Variants in COL24A1 observed in about 807,000 individuals in gnomAD.
COL24A1 encodes the protein collagen alpha-1(XXIV) chain.
Under a neutral mutation model 253.9 loss-of-function variants are expected in COL24A1, and 224 were observed. The ratio of observed to expected loss-of-function variants is 0.88; its 90% CI spans 0.79 to 0.99. The LOEUF (loss-of-function observed/expected upper bound fraction) is 0.99. Ranked by LOEUF, COL24A1 falls within the 50% of genes least tolerant of loss-of-function variation. The pLI, the probability that COL24A1 is intolerant of heterozygous loss-of-function variation, is 0.00. For missense variants in COL24A1, 2,131 were observed against 2,068.5 expected (o/e 1.03, Z -0.59); for synonymous variants, 685 against 673.7 (o/e 1.02, Z -0.26).
chr1:85,934,307 GGAATA>G (rs1028098870), intron 24 of COL24A1, among the ~76,000 whole-genome samples: 4 of 152,126 alleles, frequency 2.6e-5, no homozygotes, highest in African/African-American at 9.7e-5. Context: ...TTCAGATGGA[GGAATA>G]GAAAAGAATT....
Position 85,911,424 on chromosome 1 carries a change from C to A in COL24A1, c.2572G>T (p.Gly858Cys). 6.2e-7 allele frequency: 1 copy of A among 1,611,740 alleles called. No homozygotes were observed. Among genetic ancestry groups the A allele is most frequent in the Non-Finnish European group, 8.5e-7 (1 of 1,178,666 alleles). The change falls in exon 25 of 60, where the codon GGC becomes TGC. Residue 858 changes from glycine (G) to cysteine (C), a missense_variant. Transcript: ENST00000370571. Reference protein sequence around the residue: ...IGKIGETGPVGLPGEVGMTGS... With the variant: ...IGKIGETGPVCLPGEVGMTGS... The stretch of plus-strand genomic sequence containing the variant: ...GTCATCCCAACTTCTCCAGGTAAGC[C>A]AACAGGTCCCTTTTAGGAAAAAAAA...
At chr1:86,017,615 G>A (rs1697123348) in intron 18 of COL24A1, among the ~76,000 whole-genome samples, 1 of 152,088 alleles carries the variant, frequency 6.6e-6, no homozygotes. Context: ...ACTGTAAGTG[G>A]CCTGAATTAG....
At chr1:85,820,467 G>A (rs1354903134) in intron 45 of COL24A1, among the ~76,000 whole-genome samples, 1 of 152,198 alleles carries the variant, frequency 6.6e-6, no homozygotes, top group African/African-American at 2.4e-5. Flanking sequence ...TGCCAGCATA[G>A]GTCAAAATAC....
At chr1:85,985,093 T>C (rs908518107) in intron 20 of COL24A1, among the ~76,000 whole-genome samples, 1 of 151,870 alleles carries the variant, frequency 6.6e-6, no homozygotes, top group African/African-American at 2.4e-5. Flanking sequence ...AATAGACACA[T>C]AAGCACATCA....
intron 24 of COL24A1, among the ~76,000 whole-genome samples, chr1:85,943,523 C>T (rs1489530497): frequency 1.3e-5 from 2 of 152,104 alleles, no homozygotes; most frequent in South Asian, 2.1e-4. Context: ...AAATTGTTCT[C>T]CCACCAAAAA....
At chr1:85,872,723 A>C (rs1229947026) in intron 35 of COL24A1, among the ~76,000 whole-genome samples, 2 of 152,202 alleles carry the variant, frequency 1.3e-5, no homozygotes, top group Non-Finnish European at 2.9e-5. Context: ...TACACTTAAA[A>C]CCATAAAAAC....
In COL24A1 at chr1:86,156,185, G is replaced by A. The variant is rs958519377; in HGVS notation, c.56+156C>T. On this transcript the variant is annotated intron_variant, in intron 1 of 59. Transcript: ENST00000370571. ...TCAAACACGGTATTTTGCAAGCTGA[G>A]AAGACAAGGGGAAGATACCGCGGGT... The A allele has an allele frequency of 6.5e-6, 4 of 615,246 alleles. No homozygotes were observed. In the African/African-American group the frequency reaches 7.5e-5, roughly 12 times the overall value. 38.1% of individuals were successfully genotyped at this position (615,246 alleles called of 1,614,324 possible). A position where few individuals can be genotyped will look rare whatever the true frequency, so the allele number is the denominator to read the frequency against.
chr1:86,147,667 T>C (rs12072489), intron 1 of COL24A1, among the ~76,000 whole-genome samples: 12,575 of 152,298 alleles, frequency 0.083, 612 homozygotes, highest in East Asian at 0.22. Flanking sequence ...GCGATGGATA[T>C]GCAGGATGCA....
intron 3 of COL24A1, among the ~76,000 whole-genome samples, chr1:86,124,569 A>G (rs551481003): frequency 4.7e-4 from 71 of 152,124 alleles, no homozygotes; most frequent in African/African-American, 1.6e-3. Flanking sequence ...CAACTGAACA[A>G]GAAAAACAAA....
chr1:85,907,318 T>C, intron 27 of COL24A1, 71 bp from the exon 28 acceptor site: 7 of 1,255,204 alleles, frequency 5.6e-6, no homozygotes, highest in Non-Finnish European at 8.1e-6. Flanking sequence ...CCATAATCTT[T>C]CTTATAACAT....
chr1:86,150,057 C>A (rs962276416), intron 1 of COL24A1, among the ~76,000 whole-genome samples: 1 of 152,136 alleles, frequency 6.6e-6, no homozygotes, highest in African/African-American at 2.4e-5. Context: ...CTGATATCTC[C>A]AAAGTTCCAG....
chr1:86,020,244 T>G (rs1436222279), intron 18 of COL24A1, among the ~76,000 whole-genome samples: 1 of 151,938 alleles, frequency 6.6e-6, no homozygotes, highest in Non-Finnish European at 1.5e-5. Context: ...ATTTTTGTAT[T>G]TTTAGTAGAG....
At chr1:85,765,401 C>T (rs1008995729) in intron 53 of COL24A1, among the ~76,000 whole-genome samples, 1 of 151,652 alleles carries the variant, frequency 6.6e-6, no homozygotes, top group African/African-American at 2.4e-5. Context: ...CAAGTTGTTA[C>T]ATTTTGTCAA....
At chr1:85,944,819 A>G (rs926989849) in intron 24 of COL24A1, among the ~76,000 whole-genome samples, 1 of 151,386 alleles carries the variant, frequency 6.6e-6, no homozygotes, top group South Asian at 2.1e-4. Context: ...TCATTGTTCA[A>G]TTCCCACCTA....
chr1:85,845,335 A>C (rs1677049607), intron 39 of COL24A1, among the ~76,000 whole-genome samples: 1 of 151,908 alleles, frequency 6.6e-6, no homozygotes, highest in Admixed American at 6.6e-5. Context: ...GATTATCTAA[A>C]AAAATGTTGT....
chr1:85,960,259 A>G (rs180804651), intron 24 of COL24A1, among the ~76,000 whole-genome samples: 102 of 152,322 alleles, frequency 6.7e-4, no homozygotes, highest in Non-Finnish European at 1.2e-3. Context: ...TTTTGTGACA[A>G]TTAATTTAGC....
Position 86,033,939 on chromosome 1 carries a change from A to G in COL24A1, c.1951-16T>C. 6.3e-7 allele frequency: 1 copy of G among 1,584,448 alleles called. No individual in the cohort carries two copies. Among genetic ancestry groups the G allele is most frequent in the Admixed American group, 1.9e-5 (1 of 53,458 alleles). Reference sequence around the variant, plus strand: ...CTGGAAAACCCTGTCACAGGGAAAGAGGAAGAATGCCAACATATATAAATA... The same window carrying G: ...CTGGAAAACCCTGTCACAGGGAAAGGGGAAGAATGCCAACATATATAAATA... On this transcript the variant is annotated splice_polypyrimidine_tract_variant and intron_variant, in intron 12 of 59. Coordinates refer to ENST00000370571, the MANE Select transcript of COL24A1 (RefSeq NM_152890.7).
chr1:85,901,824 C>CAAAAA (rs55862441), intron 28 of COL24A1, among the ~76,000 whole-genome samples: 9,233 of 57,588 alleles, frequency 0.16, 2,295 homozygotes, highest in Non-Finnish European at 0.2. Flanking sequence ...GACTCCGTCT[C>CAAAAA]AAAAAAAAAA....
At chr1:85,978,444 C>A (rs1462152195) in intron 20 of COL24A1, among the ~76,000 whole-genome samples, 3 of 151,900 alleles carry the variant, frequency 2.0e-5, no homozygotes, top group African/African-American at 7.2e-5. Context: ...AAAAAAAAAT[C>A]CATCAATTAA....
Sources: allele counts gnomAD v4.1 joint callset (sites outside exome capture counted in the v4.1 genomes callset), GRCh38; gene constraint gnomAD v4.1.1; transcripts MANE v1.5; gene names NCBI Gene and HGNC (gene_info 2026-07-23, HGNC 2026-07-21).